The following DNAJC16 variants were observed in gnomAD, a reference collection of about 807,000 sequenced individuals.
The protein encoded by DNAJC16 is DnaJ heat shock protein family (Hsp40) member C16.
A neutral mutation model predicts 92.7 loss-of-function variants in DNAJC16; 76 were observed. That is an observed-to-expected ratio of 0.82 (90% CI 0.68 to 0.99). The LOEUF (loss-of-function observed/expected upper bound fraction) is 0.99. Ranked by LOEUF, DNAJC16 falls within the 50% of genes least tolerant of loss-of-function variation. The pLI is 0.00. For synonymous variants in DNAJC16, 328 were observed against 358.7 expected, an observed-to-expected ratio of 0.91 and a Z score of 0.97; for missense variants, 869 against 942.4, an observed-to-expected ratio of 0.92 and a Z score of 1.02.
intron 6 of DNAJC16, 39 bp downstream of exon 6, chr1:15,546,910 C>CTTTTTT: frequency 9.7e-7 from 1 of 1,034,740 alleles, no homozygotes; most frequent in Non-Finnish European, 1.3e-6. Flanking sequence ...TTTTTCTTTT[C>CTTTTTT]TTTTCTTTTT....
rs1477742496 is a variant in DNAJC16 at position 15,546,811 on chromosome 1, A to G, written c.804A>G (p.Gln268=). 2 of 1,613,976 alleles carry G rather than the reference A, an allele frequency of 1.2e-6. No homozygotes were observed. Among genetic ancestry groups the G allele is most frequent in the Admixed American group, 1.7e-5 (1 of 59,990 alleles). The change falls in exon 6 of 15, where the codon CAA becomes CAG. Residue 268 remains glutamine (Q), a synonymous_variant. Transcript: ENST00000375847. ...TCAGATTCCTCTCTGGCTGGCAGCA[A>G]GAGAATAAGCCTCATGTCCTTCTGT... The part of the protein sequence containing the change: ...NYVRFLSGWQ[Q]ENKPHVLLFD...
chr1:15,541,698 T>C lies in DNAJC16; in HGVS notation c.575-2701T>C, dbSNP rs1232968757. Among the ~76,000 whole-genome samples, 4 of 152,332 alleles carry C rather than the reference T, an allele frequency of 2.6e-5. No homozygotes were observed. In the South Asian group the frequency reaches 6.2e-4, roughly 24 times the overall value. ...AAGCGCACAAGAGCACAAAGATGTA[T>C]GCACAAAGATGTATGTACAAAGATG... On this transcript the variant is annotated intron_variant, in intron 4 of 14. Transcript: ENST00000375847.
At chr1:15,529,518 T>G (rs1003725079) in intron 2 of DNAJC16, among the ~76,000 whole-genome samples, 1 of 152,362 alleles carries the variant, frequency 6.6e-6, no homozygotes, top group Admixed American at 6.5e-5. Flanking sequence ...CCTTAGATAC[T>G]GTTAGCATAT....
At chr1:15,544,363 T>C (rs780319132) in intron 4 of DNAJC16, 36 bp from the exon 5 acceptor site, 11 of 1,579,036 alleles carry the variant, frequency 7.0e-6, no homozygotes, top group Non-Finnish European at 9.5e-6. Flanking sequence ...CATGGAGACA[T>C]AAAAAGGCTT....
intron 4 of DNAJC16, among the ~76,000 whole-genome samples, chr1:15,541,580 G>T (rs938685117): frequency 1.1e-4 from 17 of 152,120 alleles, no homozygotes; most frequent in Non-Finnish European, 4.4e-5. Context: ...CAGAGAGCTT[G>T]GTTTAGTCTG....
chr1:15,530,587 G>A (rs535340058), intron 2 of DNAJC16, among the ~76,000 whole-genome samples: 1 of 152,338 alleles, frequency 6.6e-6, no homozygotes, highest in South Asian at 2.1e-4. Flanking sequence ...AAGAAAGTTT[G>A]GGACAGGTAC....
intron 14 of DNAJC16, among the ~76,000 whole-genome samples, 175 bp from the exon 15 acceptor site, chr1:15,567,603 C>T (rs747039615): frequency 2.0e-5 from 3 of 152,074 alleles, no homozygotes; most frequent in Non-Finnish European, 2.9e-5. Flanking sequence ...ATTGAAGTGT[C>T]GCAGCTGCTG....
At chr1:15,527,983 CA>C (rs1406384307) in intron 1 of DNAJC16, among the ~76,000 whole-genome samples, 1 of 152,180 alleles carries the variant, frequency 6.6e-6, no homozygotes, top group Non-Finnish European at 1.5e-5. Flanking sequence ...GGATTATTTC[CA>C]AAATTCACAA....
intron 7 of DNAJC16, among the ~76,000 whole-genome samples, chr1:15,554,461 ATTC>A (rs1181197108): frequency 7.9e-5 from 12 of 152,136 alleles, no homozygotes; most frequent in African/African-American, 2.9e-4. Flanking sequence ...TCATGAAGGT[ATTC>A]TTCTCATAGA....
chr1:15,570,181 C>G lies in DNAJC16; in HGVS notation c.*2004C>G, dbSNP rs2103432385. 6.6e-6 allele frequency: 1 copy of G among 152,470 alleles called. No homozygotes were observed. The highest frequency in any genetic ancestry group is 2.1e-4 in the South Asian group (1 of 4,824). The allele number at this position is 152,470 out of a possible 1,614,324, so 9.4% of individuals were successfully genotyped here. A position where few individuals can be genotyped will look rare whatever the true frequency, so the allele number is the denominator to read the frequency against. On this transcript the variant is annotated 3_prime_UTR_variant, in exon 15 of 15. Coordinates refer to ENST00000375847, the MANE Select transcript of DNAJC16 (RefSeq NM_015291.4). ...AATGCTGTATCTCATGGCACCTGGT[C>G]CAACTAGAAATGGTCAAGGAATTCA...
chr1:15,528,575 C>G (rs1305415384), intron 1 of DNAJC16, among the ~76,000 whole-genome samples: 1 of 152,164 alleles, frequency 6.6e-6, no homozygotes. Flanking sequence ...TGTTTCACGT[C>G]CATGTTTGTA....
intron 7 of DNAJC16, among the ~76,000 whole-genome samples, chr1:15,557,169 G>C (rs1354739959): frequency 6.6e-6 from 1 of 152,146 alleles, no homozygotes; most frequent in African/African-American, 2.4e-5. Context: ...ATACCCATGT[G>C]TTGCTTTTTC....
rs541165882 is a variant in DNAJC16, at chr1:15,527,593, A to G, written c.-19+635A>G. On this transcript the variant is annotated intron_variant, in intron 1 of 14. Transcript: ENST00000375847. ...GAGAATAGATCCTAGTCTTCAACCC[A>G]TATGCTTAACCAGTAGCTACATTGC... 9.8e-5 allele frequency among the ~76,000 whole-genome samples: 15 copies of G among 152,344 alleles called. No individual in the cohort carries two copies. The South Asian group carries it at 2.7e-3, about 27-fold the overall frequency.
At chr1:15,550,265 G>A (rs1387747527) in intron 7 of DNAJC16, among the ~76,000 whole-genome samples, 1 of 152,210 alleles carries the variant, frequency 6.6e-6, no homozygotes, top group Non-Finnish European at 1.5e-5. Context: ...TGGTCTTTCG[G>A]AACAGTTTAT....
intron 11 of DNAJC16, 129 bp downstream of exon 11, chr1:15,564,488 A>G (rs1211108288): frequency 1.2e-5 from 8 of 656,442 alleles, no homozygotes; most frequent in Non-Finnish European, 1.9e-5. Flanking sequence ...GAACGTTTAC[A>G]CATTTTCTAT....
At position 15,545,471 on chromosome 1, in the gene DNAJC16, A is replaced by G. The variant is rs544236103; in HGVS notation, c.759+888A>G. On this transcript the variant is annotated intron_variant, in intron 5 of 14. Coordinates refer to ENST00000375847, the MANE Select transcript of DNAJC16 (RefSeq NM_015291.4). ...ATCTCTTCTGTGCCCGGCATAGATTAACATAGCCGTTTCAAGCAGCTCCCA... is the reference window on the plus strand; with the variant it reads ...ATCTCTTCTGTGCCCGGCATAGATTGACATAGCCGTTTCAAGCAGCTCCCA... 9.7e-4 allele frequency among the ~76,000 whole-genome samples: 148 copies of G among 152,344 alleles called. 1 individual carries two copies. The highest frequency in any genetic ancestry group is 3.5e-3 in the African/African-American group (146 of 41,578).
chr1:15,557,224 T>G (rs1316263184), intron 7 of DNAJC16, among the ~76,000 whole-genome samples: 2 of 152,264 alleles, frequency 1.3e-5, no homozygotes, highest in Non-Finnish European at 2.9e-5. Flanking sequence ...CTTGAAAGTT[T>G]GATTGAAAGC....
intron 6 of DNAJC16, among the ~76,000 whole-genome samples, chr1:15,547,329 G>C (rs1043889979): frequency 6.6e-6 from 1 of 151,722 alleles, no homozygotes; most frequent in African/African-American, 2.4e-5. Flanking sequence ...TCTATTTTTA[G>C]TAGAGACAGG....
In DNAJC16 at chr1:15,544,730, A is replaced by G. The variant is rs112480492; in HGVS notation, c.759+147A>G. Reference sequence around the variant, plus strand: ...ACACTTATTAATTAATTAATTACTCAAACTAAATCGTTTAAGTGAAGTCTG... The same window carrying G: ...ACACTTATTAATTAATTAATTACTCGAACTAAATCGTTTAAGTGAAGTCTG... On this transcript the variant is annotated intron_variant, in intron 5 of 14. Transcript: ENST00000375847. 3.4e-5 allele frequency: 26 copies of G among 757,774 alleles called. 1 individual carries two copies. Among genetic ancestry groups the G allele is most frequent in the African/African-American group, 2.6e-4 (15 of 56,714 alleles). 46.9% of individuals were successfully genotyped at this position (757,774 alleles called of 1,614,324 possible).
Sources: allele counts gnomAD v4.1 joint callset (sites outside exome capture counted in the v4.1 genomes callset), GRCh38; gene constraint gnomAD v4.1.1; transcripts MANE v1.5; gene names NCBI Gene and HGNC (gene_info 2026-07-23, HGNC 2026-07-21).